PHF21B: variants seen among roughly 807,000 people sequenced by gnomAD.
PHF21B encodes the protein PHD finger protein 21B.
PHF21B carries 22 observed loss-of-function variants against 62.2 expected under a neutral mutation model. The observed-to-expected ratio is 0.35, with a 90% CI of 0.25 to 0.51. The LOEUF (loss-of-function observed/expected upper bound fraction) is 0.51, where lower values mean the gene tolerates loss of function less well. PHF21B is among the 20% of genes least tolerant of loss of function. The probability of loss-of-function intolerance (pLI) is 0.97; values close to 1 mark genes in which losing one functional copy is unlikely to be tolerated. For missense variants in PHF21B, 701 were observed against 707.9 expected (o/e 0.99, Z 0.11); for synonymous variants, 341 against 314.7 (o/e 1.08, Z -0.88).
At chr22:44,964,179 C>G (rs1299016097) in intron 2 of PHF21B, among the ~76,000 whole-genome samples, 1 of 152,202 alleles carries the variant, frequency 6.6e-6, no homozygotes, top group African/African-American at 2.4e-5. Context: ...GTGACAAACA[C>G]AGAGGATTCA....
intron 5 of PHF21B, among the ~76,000 whole-genome samples, chr22:44,905,993 G>T (rs1199005737): frequency 1.3e-5 from 2 of 152,208 alleles, no homozygotes; most frequent in Non-Finnish European, 2.9e-5. Flanking sequence ...AGGTCTGGCT[G>T]TGGCCCGGAC....
At chr22:44,883,386 T>A in intron 12 of PHF21B, 82 bp from the exon 13 acceptor site, 1 of 1,328,134 alleles carries the variant, frequency 7.5e-7, no homozygotes, top group Admixed American at 2.0e-5. Flanking sequence ...TGGGCCCCTC[T>A]CCCCTCCACT....
chr22:44,909,431 G>A (rs925569730), intron 5 of PHF21B, among the ~76,000 whole-genome samples: 5 of 152,308 alleles, frequency 3.3e-5, no homozygotes, highest in East Asian at 1.9e-4. Flanking sequence ...AGAATGGAAC[G>A]GACTTTCTTG....
intron 2 of PHF21B, among the ~76,000 whole-genome samples, chr22:45,006,630 CA>C (rs1361726893): frequency 6.6e-6 from 1 of 152,156 alleles, no homozygotes; most frequent in Non-Finnish European, 1.5e-5. Context: ...AAGAAATGAT[CA>C]AACCCAAGCT....
intron 12 of PHF21B, 133 bp from the exon 13 acceptor site, chr22:44,883,437 AC>A: frequency 1.3e-6 from 1 of 794,690 alleles, no homozygotes; most frequent in Non-Finnish European, 1.9e-6. Flanking sequence ...CTTCACAAAA[AC>A]CAGGCAGTGG....
intron 2 of PHF21B, among the ~76,000 whole-genome samples, chr22:44,977,148 A>C (rs1216334270): frequency 3.3e-5 from 5 of 152,230 alleles, no homozygotes; most frequent in Non-Finnish European, 7.3e-5. Context: ...AAAACGAAGA[A>C]AGGAAAAAAT....
At chr22:44,893,983 G>T (rs1601571790) in intron 6 of PHF21B, among the ~76,000 whole-genome samples, 1 of 152,242 alleles carries the variant, frequency 6.6e-6, no homozygotes, top group Admixed American at 6.5e-5. Flanking sequence ...GCAGCCCCCA[G>T]CAGGAATCCT....
At chr22:44,943,308 G>T (rs1209022119) in intron 2 of PHF21B, among the ~76,000 whole-genome samples, 2 of 152,148 alleles carry the variant, frequency 1.3e-5, no homozygotes, top group African/African-American at 2.4e-5. Flanking sequence ...AGCACAGGGG[G>T]TTGATTACAC....
chr22:44,969,333 G>C (rs1345219005), intron 2 of PHF21B: 1 of 152,234 alleles, frequency 6.6e-6, no homozygotes, highest in East Asian at 1.9e-4. Flanking sequence ...AGTCAGGAGG[G>C]TGTGGGGTTC....
At chr22:44,926,666 G>C (rs546199866) in intron 2 of PHF21B, among the ~76,000 whole-genome samples, 6 of 152,354 alleles carry the variant, frequency 3.9e-5, no homozygotes, top group African/African-American at 1.4e-4. Context: ...GTGGACCAAG[G>C]GTTGCCGTGT....
intron 1 of PHF21B, chr22:45,008,847 C>A: frequency 1.7e-6 from 2 of 1,178,190 alleles, no homozygotes; most frequent in African/African-American, 1.6e-5. Context: ...GGGCCGAGGC[C>A]ACCCGGCGGC....
chr22:44,890,836 C>CGAGGCA (rs1327667644), intron 8 of PHF21B, among the ~76,000 whole-genome samples: 1 of 152,234 alleles, frequency 6.6e-6, no homozygotes, highest in Non-Finnish European at 1.5e-5. Context: ...ACACACACAG[C>CGAGGCA]GAGGCAGAGG....
intron 2 of PHF21B, among the ~76,000 whole-genome samples, chr22:44,984,514 A>G (rs1292299296): frequency 1.3e-5 from 2 of 152,172 alleles, no homozygotes; most frequent in Non-Finnish European, 2.9e-5. Context: ...CCGCAGGTGA[A>G]CAGAGCTCGG....
chr22:44,950,600 C>A (rs1184810503), intron 2 of PHF21B, among the ~76,000 whole-genome samples: 1 of 151,686 alleles, frequency 6.6e-6, no homozygotes, highest in East Asian at 1.9e-4. Flanking sequence ...TTGAAAAACT[C>A]TAAAGGTTTG....
intron 2 of PHF21B, among the ~76,000 whole-genome samples, chr22:44,928,014 G>C (rs1463017945): frequency 6.6e-6 from 1 of 152,204 alleles, no homozygotes; most frequent in African/African-American, 2.4e-5. Flanking sequence ...GGAGACAGCG[G>C]GAAGGAGACA....
intron 2 of PHF21B, among the ~76,000 whole-genome samples, chr22:44,966,456 G>C (rs1263604059): frequency 6.6e-6 from 1 of 152,178 alleles, no homozygotes; most frequent in African/African-American, 2.4e-5. Flanking sequence ...GGGAGCTTTG[G>C]GGCCACTGCA....
intron 2 of PHF21B, among the ~76,000 whole-genome samples, chr22:44,980,776 C>G (rs1328967702): frequency 1.3e-5 from 2 of 152,170 alleles, no homozygotes; most frequent in Non-Finnish European, 2.9e-5. Context: ...GGCCAGGGTC[C>G]TCTGCCCGCC....
At chr22:44,993,301 T>A (rs1258862073) in intron 2 of PHF21B, among the ~76,000 whole-genome samples, 1 of 151,800 alleles carries the variant, frequency 6.6e-6, no homozygotes. Flanking sequence ...CTCAGGTGAG[T>A]CATCACACCT....
At chr22:44,910,188 C>T (rs530807556) in intron 5 of PHF21B, among the ~76,000 whole-genome samples, 15 of 152,162 alleles carry the variant, frequency 9.9e-5, no homozygotes, top group Admixed American at 3.9e-4. Flanking sequence ...GGGTCCAGGG[C>T]GGGGTGCTGC....
Sources: allele counts gnomAD v4.1 joint callset (sites outside exome capture counted in the v4.1 genomes callset), GRCh38; gene constraint gnomAD v4.1.1; transcripts MANE v1.5; gene names NCBI Gene and HGNC (gene_info 2026-07-23, HGNC 2026-07-21).